The following TTN variants were observed in gnomAD, a reference collection of about 807,000 sequenced individuals.
TTN encodes the protein titin.
TTN carries 1,525 observed loss-of-function variants against 3,223.0 expected under a neutral mutation model. The observed-to-expected ratio is 0.47, with a 90% CI of 0.45 to 0.49. The LOEUF is 0.49. Ranked by LOEUF, TTN falls within the 20% of genes least tolerant of loss-of-function variation. The pLI is 0.00. For synonymous variants in TTN, 14,094 were observed against 15,161.0 expected, an observed-to-expected ratio of 0.93 and a Z score of 5.17; for missense variants, 40,786 against 43,424.0, an observed-to-expected ratio of 0.94 and a Z score of 5.40.
chr2:178,543,700 C>A, intron 346 of TTN, 38 bp from the exon 347 acceptor site: 2 of 1,531,278 alleles, frequency 1.3e-6, no homozygotes, highest in Non-Finnish European at 8.7e-7. Flanking sequence ...TTCCTATTTG[C>A]CTGATAGCTT....
chr2:178,725,920 A>T lies in TTN; in HGVS notation c.20402T>A (p.Leu6801His). 2 of 1,613,020 alleles carry T rather than the reference A, an allele frequency of 1.2e-6. No individual in the cohort carries two copies. Among genetic ancestry groups the T allele is most frequent in the Non-Finnish European group, 1.7e-6 (2 of 1,179,408 alleles). ...EVVWYKDKRQ[L>H]RSSKKYKIAS... ...AATCTTGTATTTCTTGCTGCTTCTG[A>T]GTTGCCGCTTGTCTTTGTACCATAC... is the stretch of plus-strand genomic sequence containing the variant. Residue 6801 changes from leucine (L) to histidine (H), a missense_variant, in exon 70 of 363, where the codon CTC becomes CAC. Leu to His is a moderately conservative substitution (Grantham distance 99, BLOSUM62 -3). Coordinates refer to ENST00000589042, the MANE Select transcript of TTN (RefSeq NM_001267550.2).
At position 178,594,001 on chromosome 2, in the gene TTN, A is replaced by G. The variant is rs876657609; in HGVS notation, c.58392T>C (p.Ser19464=). Residue 19464 remains serine, a synonymous_variant, in exon 297 of 363, where the codon AGT becomes AGC. Transcript: ENST00000589042. ...SGKYCVVVEN[S]TGSRKGFCQV... ...GACAGAAACCTTTCCTAGAGCCTGT[A>G]CTGTTCTCCACAACCACACAGTATT... 2 of 1,613,604 alleles carry G rather than the reference A, an allele frequency of 1.2e-6. No individual in the cohort carries two copies. The highest frequency in any genetic ancestry group is 1.7e-6 in the Non-Finnish European group (2 of 1,179,666).
rs925452005 is a variant in TTN, at chr2:178,680,311, C to G, written c.33361G>C (p.Val11121Leu). The G allele has an allele frequency of 8.7e-6, 14 of 1,610,408 alleles. No homozygotes were observed. The highest frequency in any genetic ancestry group is 1.2e-5 in the Non-Finnish European group (14 of 1,178,784). The stretch of plus-strand genomic sequence containing the variant: ...ACAGGTACTTTTTCTTCTGCGACAA[C>G]CCTCTTGGGCTTCATGGGCACTTGA... ...AAKVPMKPKR[V>L]VAEEKVPVPR... Residue 11121 changes from valine to leucine, a missense_variant, in exon 139 of 363, where the codon GTT (valine) becomes CTT (leucine). Transcript: ENST00000589042.
chr2:178,550,973 C>T lies in TTN; in HGVS notation c.91558G>A (p.Glu30520Lys). 6.2e-7 allele frequency: 1 copy of T among 1,612,404 alleles called. No homozygotes were observed. Among genetic ancestry groups the T allele is most frequent in the Non-Finnish European group, 8.5e-7 (1 of 1,179,366 alleles). Residue 30520 changes from glutamate (E) to lysine (K), a missense_variant, in exon 336 of 363, where the codon GAA becomes AAA. Physicochemically the swap from Glu to Lys is moderately conservative, Grantham distance 56 (BLOSUM62 1). Transcript: ENST00000589042. ...QSSGIIMTRD[E>K]NVPPIVEFGP... ...ATAAGTTGTAAATGCTTACCATTTT[C>T]ATCTCTTGTCATAATAATGCCAGAA...
chr2:178,539,440 C>T lies in TTN; in HGVS notation c.98625G>A (p.Gln32875=). The T allele has an allele frequency of 6.2e-7, 1 of 1,613,852 alleles. No homozygotes were observed. Among genetic ancestry groups the T allele is most frequent in the South Asian group, 1.1e-5 (1 of 91,080 alleles). Residue 32875 remains glutamine, a synonymous_variant, in exon 352 of 363, where the codon CAG becomes CAA. Coordinates refer to ENST00000589042, the MANE Select transcript of TTN (RefSeq NM_001267550.2). ...ATTTCAAGGGTTTGCTTATGCCAAA[C>T]TGGTTTTCTGCTGAAACACGGAAAT... is the stretch of plus-strand genomic sequence containing the variant. The part of the protein sequence containing the change: ...EYHFRVSAEN[Q]FGISKPLKSE...
chr2:178,753,253 T>C (rs550270742), intron 46 of TTN, 73 bp from the exon 47 acceptor site: 283 of 1,237,092 alleles, frequency 2.3e-4, no homozygotes, highest in Non-Finnish European at 2.7e-4. Context: ...TCATGACTTG[T>C]ATGATTAAAG....
chr2:178,565,972 A>C lies in TTN; in HGVS notation c.80160T>G (p.Ile26720Met), dbSNP rs376363284. The change falls in exon 326 of 363, where the codon ATT becomes ATG. Residue 26720 changes from isoleucine (I) to methionine (M), a missense_variant. Coordinates refer to ENST00000589042, the MANE Select transcript of TTN (RefSeq NM_001267550.2). ...CTTTTCTGGTTGACTCACGTTTGTCAATCACATAGTTCTTGACCTTTGCCC... is the reference window on the plus strand; with the variant it reads ...CTTTTCTGGTTGACTCACGTTTGTCCATCACATAGTTCTTGACCTTTGCCC... Reference protein sequence around the residue: ...DGGAKVKNYVIDKRESTRKAY... With the variant: ...DGGAKVKNYVMDKRESTRKAY... 147 of 1,613,486 alleles carry C rather than the reference A, an allele frequency of 9.1e-5. No individual in the cohort carries two copies. Among genetic ancestry groups the C allele is most frequent in the Non-Finnish European group, 1.1e-4 (127 of 1,179,670 alleles).
chr2:178,672,728 T>A (rs2067237668), intron 152 of TTN, 25 bp from the exon 153 acceptor site: 1 of 1,563,016 alleles, frequency 6.4e-7, no homozygotes, highest in African/African-American at 1.4e-5. Flanking sequence ...GGTGTTTTAG[T>A]TAGCTGAGAA....
rs727504189 is a variant in TTN at position 178,581,491 on chromosome 2, ATACT to A, written c.66769+4_66769+7del. On this transcript the variant is annotated splice_donor_5th_base_variant and intron_variant, in intron 316 of 362. Transcript: ENST00000589042. Reference sequence around the variant, plus strand: ...AAAGCCTTATGTACTCCCCCTGGTAATACTTACTTAAGATGTCCTTGGGATAGTG... The same window carrying A: ...AAAGCCTTATGTACTCCCCCTGGTAATACTTAAGATGTCCTTGGGATAGTG... 7 of 1,577,684 alleles carry A rather than the reference ATACT, an allele frequency of 4.4e-6. No individual in the cohort carries two copies. The highest frequency in any genetic ancestry group is 6.0e-6 in the Non-Finnish European group (7 of 1,158,668).
In TTN at chr2:178,629,337, C is replaced by T. The variant is rs779043359; in HGVS notation, c.44388G>A (p.Trp14796Ter). 1 of 1,612,826 alleles carries T rather than the reference C, an allele frequency of 6.2e-7. No individual in the cohort carries two copies. Among genetic ancestry groups the T allele is most frequent in the South Asian group, 1.1e-5 (1 of 91,044 alleles). Residue 14796 changes from tryptophan to a stop codon, truncating the protein, a stop_gained, in exon 240 of 363, where the codon TGG becomes TGA. Transcript: ENST00000589042. LOFTEE classifies it high-confidence loss of function. ...ELSYEDIPVE[W>*]YLKGKKLEPS... The stretch of plus-strand genomic sequence containing the variant: ...GCTCTAGTTTCTTCCCTTTGAGATA[C>T]CATTCCACTGGGATATCTTCGTAGG...
At position 178,689,360 on chromosome 2, in the gene TTN, T is replaced by C. The variant is rs528062079; in HGVS notation, c.31941A>G (p.Pro10647=). Residue 10647 remains proline (P), a synonymous_variant, in exon 124 of 363, where the codon CCA becomes CCG. Transcript: ENST00000589042. ...ESPPPAVPEI[P]KKKVPEERKP... ...TCCTTTCTTCAGGAACTTTCTTCTT[T>C]GGTATTTCTGGCACTTAAAGGATAG... The C allele has an allele frequency of 1.2e-6, 2 of 1,613,842 alleles. No homozygotes were observed. The highest frequency in any genetic ancestry group is 2.7e-5 in the African/African-American group (2 of 75,038).
chr2:178,555,740 C>T (rs1452019103), intron 330 of TTN: 1 of 152,362 alleles, frequency 6.6e-6, no homozygotes, highest in African/African-American at 2.4e-5. Flanking sequence ...AATGAACAGC[C>T]CTGAGATTCT....
chr2:178,757,231 T>TACTGTACTTGCTTTCAGTA (rs1252574568), intron 45 of TTN, among the ~76,000 whole-genome samples: 1 of 148,874 alleles, frequency 6.7e-6, no homozygotes, highest in Non-Finnish European at 1.5e-5. Context: ...TAAGTAATAA[T>TACTGTACTTGCTTTCAGTA]CAGCAAATAG....
At chr2:178,584,231 A>G (rs2048425491) in intron 311 of TTN, 45 bp downstream of exon 311, 7 of 1,518,094 alleles carry the variant, frequency 4.6e-6, no homozygotes, top group African/African-American at 1.4e-5. Context: ...ATGTGCCTCC[A>G]TAATACTAAA....
Position 178,602,603 on chromosome 2 carries a change from G to GA in TTN, c.54812-14dup, listed in dbSNP as rs770542364. On this transcript the variant is annotated splice_polypyrimidine_tract_variant and intron_variant, in intron 282 of 362. Transcript: ENST00000589042. ...GGCCCCGGTGGAACTAATAACAAAAGAAAAAAAAAAGCTTCATCAGATTTT... is the reference window on the plus strand; with the variant it reads ...GGCCCCGGTGGAACTAATAACAAAAGAAAAAAAAAAAGCTTCATCAGATTTT... The GA allele has an allele frequency of 2.6e-3, 3,414 of 1,305,134 alleles. No homozygotes were observed. The highest frequency in any genetic ancestry group is 6.3e-3 in the South Asian group (353 of 56,018). 80.8% of individuals were successfully genotyped at this position (1,305,134 alleles called of 1,614,324 possible).
chr2:178,605,647 C>T lies in TTN; in HGVS notation c.53648G>A (p.Trp17883Ter), dbSNP rs1171413936. 1 of 1,610,752 alleles carries T rather than the reference C, an allele frequency of 6.2e-7. No individual in the cohort carries two copies. Among genetic ancestry groups the T allele is most frequent in the African/African-American group, 1.3e-5 (1 of 74,880 alleles). The change falls in exon 279 of 363, where the codon TGG (tryptophan) becomes TAG (stop). Residue 17883 changes from tryptophan to a stop codon, truncating the protein, a stop_gained. Transcript: ENST00000589042. LOFTEE classifies it high-confidence loss of function. ...ERTKSTITLDWKEPRSNGGSP... is the reference protein window; with the variant it reads ...ERTKSTITLD ...GCCACCATTACTGCGGGGCTCTTTC[C>T]AGTCAAGTGTGATAGTGGACTTTGT...
intron 217 of TTN, 91 bp downstream of exon 217, chr2:178,645,828 TA>T: frequency 1.3e-6 from 1 of 775,892 alleles, no homozygotes; most frequent in Non-Finnish European, 2.0e-6. Context: ...TACACACTTC[TA>T]AAAGTCATAC....
chr2:178,614,206 C>T lies in TTN; in HGVS notation c.49191G>A (p.Val16397=), dbSNP rs1248893203. ...TGACGGTGGATGAGAGCTTGTGCCACACTTCACTATCAGTTGCTCGTCTCT... is the reference window on the plus strand; with the variant it reads ...TGACGGTGGATGAGAGCTTGTGCCATACTTCACTATCAGTTGCTCGTCTCT... ...VVERRATDSE[V]WHKLSSTVKD... Residue 16397 remains valine (V), a synonymous_variant, in exon 262 of 363, where the codon GTG becomes GTA. Transcript: ENST00000589042. The T allele has an allele frequency of 1.2e-6, 2 of 1,612,374 alleles. No individual in the cohort carries two copies. Among genetic ancestry groups the T allele is most frequent in the African/African-American group, 1.3e-5 (1 of 74,804 alleles).
rs753070650 is a variant in TTN at position 178,600,959 on chromosome 2, G to A, written c.55945C>T (p.Leu18649=). The change falls in exon 288 of 363, where the codon CTA becomes TTA. Residue 18649 remains leucine, a synonymous_variant. Coordinates refer to ENST00000589042, the MANE Select transcript of TTN (RefSeq NM_001267550.2). ...AATTCATATTCCCCACCCTCTACTA[G>A]GTCTTCAACAGTAAATTGCAGTTCT... ...VEELQFTVED[L]VEGGEYEFRV... The A allele has an allele frequency of 1.9e-6, 3 of 1,612,926 alleles. No individual in the cohort carries two copies. Among genetic ancestry groups the A allele is most frequent in the Non-Finnish European group, 2.5e-6 (3 of 1,179,274 alleles).
Sources: allele counts gnomAD v4.1 joint callset (sites outside exome capture counted in the v4.1 genomes callset), GRCh38; gene constraint gnomAD v4.1.1; transcripts MANE v1.5; gene names NCBI Gene and HGNC (gene_info 2026-07-23, HGNC 2026-07-21).